The following TRPM2 variants were observed in gnomAD, a reference collection of about 807,000 sequenced individuals.
The protein encoded by TRPM2 is transient receptor potential cation channel subfamily M member 2, also known as estrogen-responsive element-associated gene 1 protein.
TRPM2 carries 161 observed loss-of-function variants against 174.0 expected under a neutral mutation model. The ratio of observed to expected loss-of-function variants is 0.93; its 90% CI spans 0.81 to 1.05. The LOEUF (loss-of-function observed/expected upper bound fraction) is 1.05. TRPM2 is among the 50% of genes least tolerant of loss of function. TRPM2 has a pLI of 0.00. For synonymous variants in TRPM2, 954 were observed against 861.3 expected (o/e 1.11, Z -1.88); for missense variants, 2,057 against 2,038.0 (o/e 1.01, Z -0.18).
intron 19 of TRPM2, among the ~76,000 whole-genome samples, 158 bp downstream of exon 19, chr21:44,406,923 T>G (rs2049906520): frequency 1.3e-5 from 2 of 149,970 alleles, no homozygotes; most frequent in Admixed American, 1.3e-4. Context: ...ATTCCCCAGC[T>G]CCTGTGGCAG....
intron 8 of TRPM2, 109 bp downstream of exon 8, chr21:44,379,306 G>GT: frequency 1.5e-6 from 2 of 1,316,420 alleles, no homozygotes; most frequent in Non-Finnish European, 2.1e-6. Context: ...AACCCACTGG[G>GT]TCTGAGTGGG....
Position 44,354,591 on chromosome 21 carries a change from G to T in TRPM2, c.166-57G>T. 6.7e-7 allele frequency: 1 copy of T among 1,492,736 alleles called. No homozygotes were observed. 92.5% of individuals were successfully genotyped at this position (1,492,736 alleles called of 1,614,324 possible). The stretch of plus-strand genomic sequence containing the variant: ...AAGGAGCTCAGATGTGTCTCCAGGG[G>T]GCTGGGTGTGCTCTTTCGAATGTTG... On this transcript the variant is annotated intron_variant, in intron 1 of 31. Transcript: ENST00000397928. The surrounding 1 kb of genome is among the most constrained non-coding windows in gnomAD (Gnocchi z 4.3).
rs1333880188 is a variant in TRPM2, at chr21:44,423,727, G to C, written c.3544G>C (p.Glu1182Gln). The change falls in exon 23 of 32, where the codon GAG (glutamate) becomes CAG (glutamine). Residue 1182 changes from glutamate (E) to glutamine (Q), a missense_variant. Transcript: ENST00000397928. Reference protein sequence around the residue: ...SMEQRLASLEEQVAQTAQALH... With the variant: ...SMEQRLASLEQQVAQTAQALH... ...GGAGCAGAGGTTGGCCTCCCTGGAGGAGCAGGTGGGTCCGAGGTCGGGGCC... is the reference window on the plus strand; with the variant it reads ...GGAGCAGAGGTTGGCCTCCCTGGAGCAGCAGGTGGGTCCGAGGTCGGGGCC... The C allele has an allele frequency of 2.5e-6, 4 of 1,606,700 alleles. No homozygotes were observed. The highest frequency in any genetic ancestry group is 2.5e-6 in the Non-Finnish European group (3 of 1,178,028).
At chr21:44,433,359 AGGG>A (rs1358563573) in intron 27 of TRPM2, among the ~76,000 whole-genome samples, 1 of 152,234 alleles carries the variant, frequency 6.6e-6, no homozygotes, top group African/African-American at 2.4e-5. Flanking sequence ...CAGCAGTTAC[AGGG>A]AGACGAGGCA....
intron 22 of TRPM2, 76 bp downstream of exon 22, chr21:44,418,631 C>A: frequency 6.4e-7 from 1 of 1,564,792 alleles, no homozygotes; most frequent in Non-Finnish European, 8.8e-7. Context: ...ACCATGAGTA[C>A]ATGTCCCACC....
rs1363040830 is a variant in TRPM2 at position 44,354,722 on chromosome 21, A to G, written c.240A>G (p.Lys80=). ...KECVYFVESS[K]LSDAGKVVCQ... is the part of the protein sequence containing the mutation. ...GCGTGTATTTTGTGGAAAGTTCCAA[A>G]CTGTCTGATGCTGGGTAAGTGACGT... The change falls in exon 2 of 32, where the codon AAA becomes AAG. Residue 80 remains lysine (K), a synonymous_variant. Transcript: ENST00000397928. The surrounding 1 kb of genome is among the most constrained non-coding windows in gnomAD (Gnocchi z 4.3). 6.2e-7 allele frequency: 1 copy of G among 1,614,052 alleles called. No individual in the cohort carries two copies. Among genetic ancestry groups the G allele is most frequent in the Non-Finnish European group, 8.5e-7 (1 of 1,179,980 alleles).
At chr21:44,385,374 A>G (rs1602184917) in intron 9 of TRPM2, among the ~76,000 whole-genome samples, 1 of 152,266 alleles carries the variant, frequency 6.6e-6, no homozygotes, top group Admixed American at 6.5e-5. Context: ...TTATAGCTAT[A>G]CATGCTTACA....
chr21:44,405,072 T>TGTGACA (rs905916069), intron 16 of TRPM2, 70 bp from the exon 17 acceptor site: 8 of 1,596,612 alleles, frequency 5.0e-6, no homozygotes, highest in African/African-American at 1.3e-5. Flanking sequence ...TGGATAGTGA[T>TGTGACA]GTGACAGTGA....
chr21:44,357,241 G>A (rs375956284), intron 2 of TRPM2, among the ~76,000 whole-genome samples: 10 of 152,194 alleles, frequency 6.6e-5, no homozygotes, highest in Admixed American at 3.3e-4. Context: ...GTGAGGCCCC[G>A]TGGGTCTGGG....
At chr21:44,426,857 G>T in intron 26 of TRPM2, 121 bp downstream of exon 26, 1 of 1,387,978 alleles carries the variant, frequency 7.2e-7, no homozygotes, top group East Asian at 2.4e-5. Context: ...GGAGGGGCCC[G>T]TGGGGGCCTG....
At chr21:44,407,431 A>G (rs1340847993) in intron 19 of TRPM2, among the ~76,000 whole-genome samples, 1 of 143,656 alleles carries the variant, frequency 7.0e-6, no homozygotes, top group African/African-American at 2.6e-5. Flanking sequence ...TGCCAGAGAG[A>G]ACACTTTTCA....
upstream of TRPM2, among the ~76,000 whole-genome samples, chr21:44,351,598 C>T (rs1412027282): frequency 6.6e-6 from 1 of 152,180 alleles, no homozygotes; most frequent in East Asian, 1.9e-4. Context: ...AGGGATTGAG[C>T]CTGTAATTTT....
intron 9 of TRPM2, among the ~76,000 whole-genome samples, chr21:44,388,401 G>A (rs1044373579): frequency 6.6e-6 from 1 of 152,150 alleles, no homozygotes; most frequent in South Asian, 2.1e-4. Context: ...CAGGATCTGG[G>A]GGAGAGGTGA....
intron 2 of TRPM2, among the ~76,000 whole-genome samples, chr21:44,359,527 T>C (rs752889563): frequency 6.6e-6 from 1 of 151,752 alleles, no homozygotes; most frequent in Non-Finnish European, 1.5e-5. Flanking sequence ...CTGTTTCCTT[T>C]CTCACTGCTC....
chr21:44,354,627 G>A lies in TRPM2; in HGVS notation c.166-21G>A, dbSNP rs2146107389. ...CTCTTTCGAATGTTGGAAGATCTCA[G>A]TGTGCTGTCTTTACCTTCAGCAAGA... On this transcript the variant is annotated intron_variant, in intron 1 of 31. Transcript: ENST00000397928. The surrounding 1 kb of genome is among the most constrained non-coding windows in gnomAD (Gnocchi z 4.3). 1.2e-6 allele frequency: 2 copies of A among 1,606,120 alleles called. No individual in the cohort carries two copies. The highest frequency in any genetic ancestry group is 8.5e-7 in the Non-Finnish European group (1 of 1,172,688).
chr21:44,380,353 C>T (rs1010364960), intron 8 of TRPM2, among the ~76,000 whole-genome samples: 13 of 152,230 alleles, frequency 8.5e-5, no homozygotes, highest in African/African-American at 3.1e-4. Flanking sequence ...AGCGGCCGCT[C>T]AGCTCCCCAT....
intron 18 of TRPM2, 96 bp downstream of exon 18, chr21:44,406,133 A>C: frequency 6.7e-7 from 1 of 1,484,812 alleles, no homozygotes; most frequent in Non-Finnish European, 9.1e-7. Flanking sequence ...ACTGGGGCTT[A>C]AACACACCTG....
At position 44,369,235 on chromosome 21, in the gene TRPM2, G is replaced by T. The variant is rs751811340; in HGVS notation, c.663G>T (p.Ala221=). The T allele has an allele frequency of 6.2e-7, 1 of 1,613,660 alleles. No homozygotes were observed. Among genetic ancestry groups the T allele is most frequent in the South Asian group, 1.1e-5 (1 of 91,080 alleles). The change falls in exon 5 of 32, where the codon GCG becomes GCT. Residue 221 remains alanine (A), a synonymous_variant. Transcript: ENST00000397928. Reference sequence around the variant, plus strand: ...GCGTCATGAAGCAGGTAGGCGAGGCGGTGCGGGACTTCAGCCTGAGCAGCA... The same window carrying T: ...GCGTCATGAAGCAGGTAGGCGAGGCTGTGCGGGACTTCAGCCTGAGCAGCA... The part of the protein sequence containing the change: ...HTGVMKQVGE[A]VRDFSLSSSY...
chr21:44,359,363 A>G (rs1420315392), intron 2 of TRPM2, among the ~76,000 whole-genome samples: 1 of 152,082 alleles, frequency 6.6e-6, no homozygotes, highest in Non-Finnish European at 1.5e-5. Flanking sequence ...AGATCCCTGC[A>G]AGTCTGAAGT....
Sources: allele counts gnomAD v4.1 joint callset (sites outside exome capture counted in the v4.1 genomes callset), GRCh38; gene constraint gnomAD v4.1.1; non-coding constraint Gnocchi (gnomAD v3.1); transcripts MANE v1.5; gene names NCBI Gene and HGNC (gene_info 2026-07-23, HGNC 2026-07-21).